NAV2: variants seen among roughly 807,000 people sequenced by gnomAD.
NAV2 encodes the protein helicase, APC down-regulated 1.
A neutral mutation model predicts 223.2 loss-of-function variants in NAV2; 54 were observed. The ratio of observed to expected loss-of-function variants is 0.24; its 90% confidence interval spans 0.19 to 0.30. The LOEUF is 0.30. Ranked by LOEUF, NAV2 falls within the 10% of genes least tolerant of loss-of-function variation. The pLI is 1.00. For synonymous variants in NAV2, 1,279 were observed against 1,239.3 expected, an observed-to-expected ratio of 1.03 and a Z score of -0.67; for missense variants, 2,806 against 3,147.5, an observed-to-expected ratio of 0.89 and a Z score of 2.60.
At chr11:20,011,380 C>T (rs1048851554) in intron 11 of NAV2, among the ~76,000 whole-genome samples, 1 of 152,122 alleles carries the variant, frequency 6.6e-6, no homozygotes, top group African/African-American at 2.4e-5. Context: ...TCGTTAACAC[C>T]GTGGTGCTTT....
chr11:20,102,309 T>C (rs987446010), intron 32 of NAV2, among the ~76,000 whole-genome samples: 2 of 152,046 alleles, frequency 1.3e-5, no homozygotes, highest in African/African-American at 4.8e-5. Context: ...GGTGGGTGGG[T>C]GCTGGTAGGA....
chr11:20,017,349 C>T (rs2054101841), intron 11 of NAV2, among the ~76,000 whole-genome samples: 1 of 152,188 alleles, frequency 6.6e-6, no homozygotes, highest in South Asian at 2.1e-4. Flanking sequence ...GTCCCCCTTC[C>T]ACTCCCCAAC....
Position 19,948,872 on chromosome 11 carries a change from TTCA to T in NAV2, c.2441_2443del (p.Ile814del), listed in dbSNP as rs1261915484. 1 of 1,613,976 alleles carries T rather than the reference TTCA, an allele frequency of 6.2e-7. No individual in the cohort carries two copies. The highest frequency in any genetic ancestry group is 8.5e-7 in the Non-Finnish European group (1 of 1,179,998). ...TCCCCCTCGAGCCAACGCCAGCAGG[TTCA>T]TCAACACTGAGTCAGGTCGCTATGT... On this transcript the variant is annotated inframe_deletion, in exon 10 of 38. Coordinates refer to ENST00000349880, the MANE Select transcript of NAV2 (RefSeq NM_145117.5).
At chr11:19,923,601 A>G (rs1356819895) in intron 6 of NAV2, among the ~76,000 whole-genome samples, 3 of 152,254 alleles carry the variant, frequency 2.0e-5, no homozygotes, top group Non-Finnish European at 4.4e-5. Flanking sequence ...AGGGGCCTAC[A>G]GAATTCCTTA....
At chr11:19,423,288 T>A (rs566576239) in intron 1 of NAV2, among the ~76,000 whole-genome samples, 1 of 152,368 alleles carries the variant, frequency 6.6e-6, no homozygotes, top group East Asian at 1.9e-4. Flanking sequence ...CTAATATGTG[T>A]AAAGTGCTAC....
chr11:19,865,151 G>A (rs1269786108), intron 3 of NAV2, among the ~76,000 whole-genome samples: 2 of 152,188 alleles, frequency 1.3e-5, no homozygotes, highest in African/African-American at 2.4e-5. Context: ...CTGTTTAAGA[G>A]TCTTTTCTTT....
At chr11:20,107,612 C>G in intron 35 of NAV2, 52 bp from the exon 36 acceptor site, 1 of 1,399,916 alleles carries the variant, frequency 7.1e-7, no homozygotes, top group African/African-American at 1.4e-5. Context: ...CACCTGATGC[C>G]CCATCACCCA....
chr11:20,115,963 T>C (rs557895272), intron 37 of NAV2, among the ~76,000 whole-genome samples: 3 of 152,266 alleles, frequency 2.0e-5, no homozygotes, highest in African/African-American at 7.2e-5. Context: ...TTCTAATCGA[T>C]TGTAGTACTC....
At position 19,730,366 on chromosome 11, in the gene NAV2, C is replaced by G. The variant is rs76589114; in HGVS notation, c.267+16404C>G. On this transcript the variant is annotated intron_variant, in intron 1 of 37. Coordinates refer to ENST00000349880, the MANE Select transcript of NAV2 (RefSeq NM_145117.5). ...CACCCACACAGGCGAAGGTTTTGGC[C>G]AAGGGCACCCTGGAGGGGGAGGAAA... Among the ~76,000 whole-genome samples the G allele has an allele frequency of 3.0e-3, 453 of 152,264 alleles. 13 individuals are homozygous for G. The highest frequency in any genetic ancestry group is 0.021 in the Admixed American group (319 of 15,308).
rs1241477925 is a variant in NAV2 at position 19,517,313 on chromosome 11, TAA to T, written c.75+166287_75+166288del. ...CTTTGGGGCATTTATCTCCCTGGTT[TAA>T]GTCTTTCTGCTTCTGATTCTGAACT... On this transcript the variant is annotated intron_variant, in intron 1 of 37. Coordinates refer to the NAV2 transcript ENST00000360655. Among the ~76,000 whole-genome samples the T allele has an allele frequency of 5.3e-5, 8 of 152,298 alleles. No individual in the cohort carries two copies. The East Asian group carries it at 1.5e-3, about 29-fold the overall frequency.
intron 1 of NAV2, among the ~76,000 whole-genome samples, chr11:19,626,283 G>A (rs1160479855): frequency 6.6e-6 from 1 of 152,130 alleles, no homozygotes; most frequent in Non-Finnish European, 1.5e-5. Flanking sequence ...ATTGAAGAGG[G>A]TGTCCTTTCC....
intron 1 of NAV2, among the ~76,000 whole-genome samples, chr11:19,406,612 G>A (rs1006879125): frequency 6.6e-6 from 1 of 151,924 alleles, no homozygotes; most frequent in Non-Finnish European, 1.5e-5. Flanking sequence ...TCATGTCCCC[G>A]GGAGGCTCTT....
At chr11:19,717,372 G>A (rs2050389623) in intron 1 of NAV2, among the ~76,000 whole-genome samples, 1 of 152,232 alleles carries the variant, frequency 6.6e-6, no homozygotes, top group Admixed American at 6.5e-5. Flanking sequence ...TTGGGGCTGG[G>A]TATCCAAGGT....
chr11:19,932,493 A>AT, intron 6 of NAV2, among the ~76,000 whole-genome samples: 1 of 152,074 alleles, frequency 6.6e-6, no homozygotes, highest in South Asian at 2.1e-4. Flanking sequence ...TAATTTTTGT[A>AT]TTTTTAGTAG....
intron 1 of NAV2, among the ~76,000 whole-genome samples, chr11:19,742,525 C>T (rs979987063): frequency 6.6e-6 from 1 of 152,166 alleles, no homozygotes; most frequent in Non-Finnish European, 1.5e-5. Context: ...CTGCCTGCTA[C>T]CCACTACGTG....
At chr11:20,017,990 G>A (rs901549076) in intron 11 of NAV2, among the ~76,000 whole-genome samples, 3 of 151,986 alleles carry the variant, frequency 2.0e-5, no homozygotes, top group Admixed American at 2.0e-4. Context: ...TCTGTTACTA[G>A]CAAGCAAGAA....
intron 1 of NAV2, among the ~76,000 whole-genome samples, chr11:19,496,357 G>A (rs1419144286): frequency 6.6e-6 from 1 of 152,202 alleles, no homozygotes; most frequent in Non-Finnish European, 1.5e-5. Context: ...GGTCTCTCAT[G>A]AGGTTGCATT....
intron 1 of NAV2, among the ~76,000 whole-genome samples, chr11:19,492,941 C>G (rs755330418): frequency 9.2e-5 from 14 of 152,178 alleles, no homozygotes; most frequent in Non-Finnish European, 1.9e-4. Context: ...GGACCAGATT[C>G]TAAGTCTCAC....
intron 1 of NAV2, among the ~76,000 whole-genome samples, chr11:19,599,580 G>A (rs1216123168): frequency 2.0e-5 from 3 of 152,308 alleles, no homozygotes; most frequent in Admixed American, 6.5e-5. Flanking sequence ...GGGAGAAAAC[G>A]AAAACTGCCT....
Sources: gnomAD v4.1 joint callset for allele counts (sites outside exome capture counted in the v4.1 genomes callset) on GRCh38, gnomAD v4.1.1 for gene constraint, MANE v1.5 for transcripts, NCBI Gene and HGNC (gene_info 2026-07-23, HGNC 2026-07-21) for gene names.